The following NOL8 variants were observed in gnomAD, a reference collection of about 807,000 sequenced individuals.
NOL8 encodes the protein nucleolar protein 8.
Under a neutral mutation model 116.1 loss-of-function variants are expected in NOL8, and 93 were observed. The ratio of observed to expected loss-of-function variants is 0.80; its 90% CI spans 0.68 to 0.95. The LOEUF is 0.95. Among genes scored for constraint, NOL8 ranks in the 40% least tolerant of loss-of-function variants. The probability of loss-of-function intolerance (pLI) is 0.00; values close to 1 mark genes in which losing one functional copy is unlikely to be tolerated. For synonymous variants in NOL8, 419 were observed against 469.0 expected, an observed-to-expected ratio of 0.89 and a Z score of 1.38; for missense variants, 1,291 against 1,382.8, an observed-to-expected ratio of 0.93 and a Z score of 1.05.
intron 7 of NOL8, 113 bp downstream of exon 7, chr9:92,314,154 A>G (rs1839123872): frequency 7.4e-7 from 1 of 1,358,716 alleles, no homozygotes; most frequent in Non-Finnish European, 9.5e-7. Flanking sequence ...CCAAAACATG[A>G]AACTGGTGAA....
chr9:92,325,072 C>T (rs1316077710), intron 1 of NOL8: 2 of 152,274 alleles, frequency 1.3e-5, no homozygotes, highest in African/African-American at 4.8e-5. Context: ...CCGGCAGGCG[C>T]TCAGCTCTCG....
At chr9:92,305,708 A>ATAAT (rs778337857) in intron 12 of NOL8, 45 bp downstream of exon 12, 69 of 1,310,460 alleles carry the variant, frequency 5.3e-5, no homozygotes, top group Non-Finnish European at 7.3e-5. Context: ...CTGAAATGAG[A>ATAAT]TTAATTTACA....
At chr9:92,299,797 G>T in intron 14 of NOL8, 93 bp downstream of exon 14, 4 of 1,273,280 alleles carry the variant, frequency 3.1e-6, no homozygotes, top group African/African-American at 1.5e-5. Context: ...CAATTTAGTT[G>T]TCATGTGAAG....
At chr9:92,309,750 G>A (rs577664641) in intron 10 of NOL8, among the ~76,000 whole-genome samples, 17 of 152,278 alleles carry the variant, frequency 1.1e-4, no homozygotes, top group African/African-American at 4.1e-4. Flanking sequence ...ATGGCATTCA[G>A]TGATACACAG....
chr9:92,299,863 A>G, intron 14 of NOL8, 27 bp downstream of exon 14: 1 of 1,608,754 alleles, frequency 6.2e-7, no homozygotes, highest in African/African-American at 1.3e-5. Context: ...ATTATGAACT[A>G]TGCCTGCAAA....
chr9:92,304,232 A>G (rs1838017595), intron 12 of NOL8, among the ~76,000 whole-genome samples: 1 of 152,244 alleles, frequency 6.6e-6, no homozygotes, highest in South Asian at 2.1e-4. Flanking sequence ...TCCTAATCAA[A>G]GACCTTCCAA....
intron 4 of NOL8, among the ~76,000 whole-genome samples, chr9:92,321,443 T>C (rs987617534): frequency 6.6e-6 from 1 of 152,206 alleles, no homozygotes; most frequent in Non-Finnish European, 1.5e-5. Flanking sequence ...AATAAGTACA[T>C]ATATACTTTT....
At chr9:92,303,893 G>A (rs1168051998) in intron 12 of NOL8, among the ~76,000 whole-genome samples, 1 of 152,150 alleles carries the variant, frequency 6.6e-6, no homozygotes, top group Non-Finnish European at 1.5e-5. Context: ...AGCAGTTTCA[G>A]TAGAAGCCCA....
intron 7 of NOL8, among the ~76,000 whole-genome samples, chr9:92,311,586 G>A (rs1005455987): frequency 6.6e-6 from 1 of 151,942 alleles, no homozygotes; most frequent in Non-Finnish European, 1.5e-5. Context: ...TGGCCAACAA[G>A]CATACAAAAA....
In NOL8 at chr9:92,314,497, CT is replaced by C; in HGVS notation, c.2127del (p.Glu710SerfsTer39). 2 of 1,613,584 alleles carry C rather than the reference CT, an allele frequency of 1.2e-6. No homozygotes were observed. Among genetic ancestry groups the C allele is most frequent in the Non-Finnish European group, 1.7e-6 (2 of 1,179,616 alleles). ...HSTTKTEASQ[E>X]ERSDSSGLTS... ...GTGAGGCCGCTTGAATCAGACCGCT[CT>C]TCCTGTGAAGCTTCTGTCTTTGTGG... On this transcript the variant is annotated frameshift_variant, in exon 7 of 17. Coordinates refer to ENST00000442668, the MANE Select transcript of NOL8 (RefSeq NM_017948.6). LOFTEE classifies it high-confidence loss of function.
At position 92,299,989 on chromosome 9, in the gene NOL8, G is replaced by T; in HGVS notation, c.3203C>A (p.Pro1068His). 1 of 1,613,406 alleles carries T rather than the reference G, an allele frequency of 6.2e-7. No homozygotes were observed. The highest frequency in any genetic ancestry group is 8.5e-7 in the Non-Finnish European group (1 of 1,179,582). Residue 1068 changes from proline (P) to histidine (H), a missense_variant, in exon 14 of 17, where the codon CCT becomes CAT. Physicochemically the swap from Pro to His is moderately conservative, Grantham distance 77. Transcript: ENST00000442668. ...EETYRVETVK[P>H]GKIVWQEDPR... The stretch of plus-strand genomic sequence containing the variant: ...GTCTTCCTGCCAGACAATCTTTCCA[G>T]GTTTCACTGTTTCAACTCTGTAGGT...
In NOL8 at chr9:92,311,226, T is replaced by C. The variant is rs770799696; in HGVS notation, c.2392A>G (p.Ile798Val). The part of the protein sequence containing the change: ...GHPEDKPTHI[I>V]FGSDSECETE... Reference sequence around the variant, plus strand: ...TCACATTCACTGTCAGAACCGAAGATGATGTGCGTTGGCTTATCCTCTGGA... The same window carrying C: ...TCACATTCACTGTCAGAACCGAAGACGATGTGCGTTGGCTTATCCTCTGGA... The change falls in exon 8 of 17, where the codon ATC (isoleucine) becomes GTC (valine). Residue 798 changes from isoleucine (I) to valine (V), a missense_variant. Coordinates refer to ENST00000442668, the MANE Select transcript of NOL8 (RefSeq NM_017948.6). 4.3e-6 allele frequency: 7 copies of C among 1,613,854 alleles called. No individual in the cohort carries two copies. Among genetic ancestry groups the C allele is most frequent in the Non-Finnish European group, 5.9e-6 (7 of 1,179,798 alleles).
intron 12 of NOL8, among the ~76,000 whole-genome samples, chr9:92,302,543 C>T (rs79690727): frequency 1.2e-4 from 19 of 152,256 alleles, no homozygotes; most frequent in East Asian, 1.2e-3. Context: ...TTTAGTATTT[C>T]GGTAAATAAA....
intron 7 of NOL8, among the ~76,000 whole-genome samples, chr9:92,313,924 C>T (rs1011212994): frequency 1.5e-4 from 23 of 152,178 alleles, no homozygotes; most frequent in African/African-American, 5.3e-4. Flanking sequence ...CTGGCACTTA[C>T]TATAAAGGTG....
intron 10 of NOL8, among the ~76,000 whole-genome samples, chr9:92,309,605 G>A (rs969057168): frequency 6.6e-6 from 1 of 152,106 alleles, no homozygotes; most frequent in African/African-American, 2.4e-5. Context: ...AGGGTAAGAG[G>A]AGAAGGTCCT....
At chr9:92,298,790 A>G in intron 15 of NOL8, 94 bp downstream of exon 15, 1 of 691,532 alleles carries the variant, frequency 1.4e-6, no homozygotes, top group South Asian at 2.3e-5. Flanking sequence ...AAACCACATG[A>G]CATTACCAAC....
intron 12 of NOL8, among the ~76,000 whole-genome samples, chr9:92,305,336 G>A (rs1165884630): frequency 6.6e-6 from 1 of 152,142 alleles, no homozygotes; most frequent in African/African-American, 2.4e-5. Flanking sequence ...ACTAGGAGAG[G>A]CATAAAACAG....
rs761849169 is a variant in NOL8 at position 92,314,863 on chromosome 9, A to AT, written c.1761dup (p.Ser588IlefsTer9). 3.7e-6 allele frequency: 6 copies of AT among 1,613,176 alleles called. No homozygotes were observed. In the African/African-American group the frequency reaches 6.7e-5, roughly 18 times the overall value. ...TTAGAGGCAACACTGTCTTTCAAGG[A>AT]TTTTTTCATTGACTCCTTTTCATAT... is the stretch of plus-strand genomic sequence containing the variant. On this transcript the variant is annotated frameshift_variant, in exon 7 of 17. Coordinates refer to ENST00000442668, the MANE Select transcript of NOL8 (RefSeq NM_017948.6). LOFTEE classifies it high-confidence loss of function.
chr9:92,309,447 T>C (rs1049128358), intron 10 of NOL8, among the ~76,000 whole-genome samples: 6 of 150,858 alleles, frequency 4.0e-5, no homozygotes, highest in Non-Finnish European at 8.8e-5. Flanking sequence ...AAAGGAGTAA[T>C]AGGAAGTAGG....
Sources: allele counts gnomAD v4.1 joint callset (sites outside exome capture counted in the v4.1 genomes callset), GRCh38; gene constraint gnomAD v4.1.1; transcripts MANE v1.5; gene names NCBI Gene and HGNC (gene_info 2026-07-23, HGNC 2026-07-21).